The following COL23A1 variants were observed in gnomAD, a reference collection of about 807,000 sequenced individuals.
COL23A1 encodes the protein collagen alpha-1(XXIII) chain.
A neutral mutation model predicts 99.3 loss-of-function variants in COL23A1; 97 were observed. The observed-to-expected ratio is 0.98, with a 90% CI of 0.83 to 1.16. COL23A1 has a LOEUF of 1.16. Among genes scored for constraint, COL23A1 ranks in the 50% most tolerant of loss-of-function variants. COL23A1 has a pLI of 0.00. For missense variants in COL23A1, 762 were observed against 757.4 expected (o/e 1.01, Z -0.07); for synonymous variants, 320 against 308.2 (o/e 1.04, Z -0.40).
chr5:178,502,166 C>G (rs949701988), intron 2 of COL23A1, among the ~76,000 whole-genome samples: 2 of 152,204 alleles, frequency 1.3e-5, no homozygotes, highest in Non-Finnish European at 2.9e-5. Flanking sequence ...GAGTCTCGCT[C>G]TGTCGCCCAG....
At chr5:178,547,153 AG>A (rs1421691052) in intron 2 of COL23A1, among the ~76,000 whole-genome samples, 1 of 152,108 alleles carries the variant, frequency 6.6e-6, no homozygotes, top group African/African-American at 2.4e-5. Flanking sequence ...ATTTCCCCGT[AG>A]GGAATACATT....
intron 2 of COL23A1, among the ~76,000 whole-genome samples, chr5:178,467,017 T>A (rs1170058293): frequency 6.6e-6 from 1 of 152,224 alleles, no homozygotes; most frequent in Non-Finnish European, 1.5e-5. Context: ...TAAGTGACAT[T>A]ATATGTATAT....
chr5:178,584,986 C>T (rs1318824861), intron 1 of COL23A1, among the ~76,000 whole-genome samples: 1 of 152,186 alleles, frequency 6.6e-6, no homozygotes. Context: ...GGGGGCAGAA[C>T]AGCATCTGCT....
intron 9 of COL23A1, 82 bp downstream of exon 9, chr5:178,263,126 G>C (rs1337167409): frequency 1.0e-6 from 1 of 986,026 alleles, no homozygotes; most frequent in Non-Finnish European, 1.6e-6. Flanking sequence ...TAGAGATGGG[G>C]ATGGGGATGG....
rs978380431 is a variant in COL23A1, at chr5:178,589,657, T to C, written c.294+247A>G. On this transcript the variant is annotated intron_variant, in intron 1 of 28. Coordinates refer to ENST00000390654, the MANE Select transcript of COL23A1 (RefSeq NM_173465.4). This position sits in a 1 kb window ranked among gnomAD's most constrained non-coding sequence, Gnocchi z 5.4. ...CAAAGTCCCTGGTCTCTCCTTCCCC[T>C]TTCTCGCGGCCGCCTGCCTGGCACG... 2.6e-4 allele frequency among the ~76,000 whole-genome samples: 40 copies of C among 152,176 alleles called. No homozygotes were observed. Among genetic ancestry groups the C allele is most frequent in the African/African-American group, 9.2e-4 (38 of 41,448 alleles).
rs1758788898 is a variant in COL23A1, at chr5:178,313,048, G to A, written c.362-6129C>T. ...GGAGTTCCTGCGCACGCTGCAGCAT[G>A]ATGGGCCTGGAGGACGTCACGCGAT... On this transcript the variant is annotated intron_variant, in intron 2 of 28. Coordinates refer to ENST00000390654, the MANE Select transcript of COL23A1 (RefSeq NM_173465.4). The surrounding 1 kb of genome is among the most constrained non-coding windows in gnomAD (Gnocchi z 4.2). 1.3e-5 allele frequency among the ~76,000 whole-genome samples: 2 copies of A among 152,226 alleles called. 1 individual carries two copies. The highest frequency in any genetic ancestry group is 1.3e-4 in the Admixed American group (2 of 15,288).
rs544175624 is a variant in COL23A1 at position 178,247,616 on chromosome 5, G to T, written c.1270-64C>A. 8 of 1,601,592 alleles carry T rather than the reference G, an allele frequency of 5.0e-6. No individual in the cohort carries two copies. In the African/African-American group the frequency reaches 1.1e-4, roughly 21 times the overall value. On this transcript the variant is annotated intron_variant, in intron 21 of 28. Coordinates refer to ENST00000390654, the MANE Select transcript of COL23A1 (RefSeq NM_173465.4). ...ACCCTCTTGCAGTGGCCACTCACTGGCCCCTGGGGCCCTGTCCTGGGCTCT... is the reference window on the plus strand; with the variant it reads ...ACCCTCTTGCAGTGGCCACTCACTGTCCCCTGGGGCCCTGTCCTGGGCTCT...
At chr5:178,545,765 C>T (rs1761545607) in intron 2 of COL23A1, among the ~76,000 whole-genome samples, 1 of 152,114 alleles carries the variant, frequency 6.6e-6, no homozygotes, top group South Asian at 2.1e-4. Flanking sequence ...AGGCACAGCT[C>T]CCTCCTATCA....
At chr5:178,404,056 C>A (rs993706350) in intron 2 of COL23A1, among the ~76,000 whole-genome samples, 1 of 152,210 alleles carries the variant, frequency 6.6e-6, no homozygotes, top group Non-Finnish European at 1.5e-5. Flanking sequence ...GGGTCTCCTG[C>A]ACCCCATGTC....
At chr5:178,465,435 A>C (rs1468497106) in intron 2 of COL23A1, among the ~76,000 whole-genome samples, 1 of 152,248 alleles carries the variant, frequency 6.6e-6, no homozygotes, top group Non-Finnish European at 1.5e-5. Flanking sequence ...TCAGAAGGTC[A>C]GGAACCCAGG....
At position 178,288,337 on chromosome 5, in the gene COL23A1, C is replaced by T. The variant is rs1252736112; in HGVS notation, c.428G>A (p.Arg143Gln). 8 of 1,611,534 alleles carry T rather than the reference C, an allele frequency of 5.0e-6. No homozygotes were observed. Among genetic ancestry groups the T allele is most frequent in the Middle Eastern group, 1.6e-4 (1 of 6,078 alleles). Residue 143 changes from arginine (R) to glutamine (Q), a missense_variant, in exon 5 of 29, where the codon CGA becomes CAA. Arg to Gln is a conservative substitution (Grantham distance 43, BLOSUM62 1). Coordinates refer to ENST00000390654, the MANE Select transcript of COL23A1 (RefSeq NM_173465.4). ...GDPGPPGQSG[R>Q]DGYPGPLGLD... is the part of the protein sequence containing the mutation. ...ATGACAAATTACCGGGTAGCCATCTCGTCCTGATTGCCCCTGTGGTAATTA... is the reference window on the plus strand; with the variant it reads ...ATGACAAATTACCGGGTAGCCATCTTGTCCTGATTGCCCCTGTGGTAATTA...
At chr5:178,518,940 G>C (rs1269245669) in intron 2 of COL23A1, among the ~76,000 whole-genome samples, 1 of 92,850 alleles carries the variant, frequency 1.1e-5, no homozygotes, top group Non-Finnish European at 2.0e-5. Context: ...GGCGGCGGCT[G>C]CGGTCGGTCG....
rs1411679814 is a variant in COL23A1 at position 178,544,373 on chromosome 5, C to T, written c.361+16309G>A. Among the ~76,000 whole-genome samples the T allele has an allele frequency of 6.6e-6, 1 of 152,196 alleles. No homozygotes were observed. The highest frequency in any genetic ancestry group is 1.5e-5 in the Non-Finnish European group (1 of 68,038). Reference sequence around the variant, plus strand: ...CGGCGGATGCGCACTTCAGGGAGGACGCAGGCGCAGGGCCGGGGAGCTGGG... The same window carrying T: ...CGGCGGATGCGCACTTCAGGGAGGATGCAGGCGCAGGGCCGGGGAGCTGGG... On this transcript the variant is annotated intron_variant, in intron 2 of 28. Transcript: ENST00000390654. The surrounding 1 kb of genome is among the most constrained non-coding windows in gnomAD (Gnocchi z 4.4).
At chr5:178,332,071 G>T (rs1303741504) in intron 2 of COL23A1, among the ~76,000 whole-genome samples, 2 of 152,218 alleles carry the variant, frequency 1.3e-5, no homozygotes, top group Admixed American at 6.5e-5. Context: ...CCTTCTGGCG[G>T]TGTGAAGGTC....
intron 2 of COL23A1, among the ~76,000 whole-genome samples, chr5:178,383,431 G>C (rs1407276172): frequency 6.6e-6 from 1 of 152,222 alleles, no homozygotes; most frequent in Non-Finnish European, 1.5e-5. Flanking sequence ...GGTCCAGCTT[G>C]TTCCCCAGTC....
At chr5:178,262,686 G>C (rs1765700828) in intron 9 of COL23A1, among the ~76,000 whole-genome samples, 1 of 152,162 alleles carries the variant, frequency 6.6e-6, no homozygotes, top group Admixed American at 6.5e-5. Context: ...CTATTGGGGA[G>C]CATGAGGGGA....
At chr5:178,432,439 GA>G (rs1237749047) in intron 2 of COL23A1, among the ~76,000 whole-genome samples, 11 of 152,192 alleles carry the variant, frequency 7.2e-5, no homozygotes, top group African/African-American at 2.7e-4. Flanking sequence ...ACCCTGGCAG[GA>G]AATATGGGAG....
At chr5:178,298,487 C>T (rs1757866575) in intron 3 of COL23A1, among the ~76,000 whole-genome samples, 1 of 152,212 alleles carries the variant, frequency 6.6e-6, no homozygotes, top group African/African-American at 2.4e-5. Context: ...GCCAGGCCTA[C>T]ACACCAGGAG....
chr5:178,437,840 C>A (rs529189163), intron 2 of COL23A1, among the ~76,000 whole-genome samples: 1 of 152,074 alleles, frequency 6.6e-6, no homozygotes, highest in Non-Finnish European at 1.5e-5. Context: ...GCTTGTGGGA[C>A]GGGACCCAGG....
Sources: allele counts gnomAD v4.1 joint callset (sites outside exome capture counted in the v4.1 genomes callset), GRCh38; gene constraint gnomAD v4.1.1; non-coding constraint Gnocchi (gnomAD v3.1); transcripts MANE v1.5; gene names NCBI Gene and HGNC (gene_info 2026-07-23, HGNC 2026-07-21).